HEATR1: variants seen among roughly 807,000 people sequenced by gnomAD.
HEATR1 encodes HEAT repeat containing 1.
In HEATR1, 77 loss-of-function variants were observed where a neutral mutation model predicts 248.2. The ratio of observed to expected loss-of-function variants is 0.31; its 90% CI spans 0.26 to 0.37. The LOEUF (loss-of-function observed/expected upper bound fraction) is 0.37. Ranked by LOEUF, HEATR1 falls within the 10% of genes least tolerant of loss-of-function variation. HEATR1 has a pLI of 1.00. For synonymous variants in HEATR1, 897 were observed against 923.1 expected (o/e 0.97, Z 0.51); for missense variants, 2,420 against 2,504.9 (o/e 0.97, Z 0.72).
rs143741485 is a variant in HEATR1 at position 236,595,606 on chromosome 1, C to T, written c.1024G>A (p.Asp342Asn). 562 of 1,608,530 alleles carry T rather than the reference C, an allele frequency of 3.5e-4. No homozygotes were observed. Among genetic ancestry groups the T allele is most frequent in the Non-Finnish European group, 4.4e-4 (514 of 1,175,020 alleles). Residue 342 changes from aspartate (D) to asparagine (N), a missense_variant, in exon 8 of 45, where the codon GAT becomes AAT. Coordinates refer to ENST00000366582, the MANE Select transcript of HEATR1 (RefSeq NM_018072.6). ...ATGTAATGCAGAAGAGGACTGACAT[C>T]GTAAGTTTCAGAAATCCCATGAAGT... Reference protein sequence around the residue: ...TILHGISETYDVSPLLHYMLP... With the variant: ...TILHGISETYNVSPLLHYMLP...
chr1:236,603,882 G>GA (rs541891083), intron 2 of HEATR1, 72 bp downstream of exon 2: 20,908 of 841,752 alleles, frequency 0.025, no homozygotes, highest in South Asian at 0.042. Context: ...AAAACAAGGG[G>GA]AAAAAAAAAA....
At position 236,586,083 on chromosome 1, in the gene HEATR1, T is replaced by C. The variant is rs368959511; in HGVS notation, c.1928-142A>G. 224 of 1,279,788 alleles carry C rather than the reference T, an allele frequency of 1.8e-4. No homozygotes were observed. In the African/African-American group the frequency reaches 3.1e-3, roughly 18 times the overall value. 79.3% of individuals were successfully genotyped at this position (1,279,788 alleles called of 1,614,324 possible). ...TTGTATCCGATTCTGAATTTGTCTA[T>C]GAATTGGCTTCCTTTTCACTGTATA... is the stretch of plus-strand genomic sequence containing the variant. On this transcript the variant is annotated intron_variant, in intron 15 of 44. Transcript: ENST00000366582.
At chr1:236,586,044 C>T (rs1357546205) in intron 15 of HEATR1, 103 bp from the exon 16 acceptor site, 11 of 1,434,910 alleles carry the variant, frequency 7.7e-6, no homozygotes, top group African/African-American at 1.4e-5. Flanking sequence ...TGAAGGTTTG[C>T]TTTCTATTTT....
rs1039094192 is a variant in HEATR1 at position 236,583,107 on chromosome 1, G to A, written c.2331C>T (p.Ser777=). The A allele has an allele frequency of 1.2e-6, 2 of 1,614,084 alleles. No homozygotes were observed. The highest frequency in any genetic ancestry group is 1.7e-6 in the Non-Finnish European group (2 of 1,179,934). ...AGTCCTCCACGGCCACCCTCTGAGT[G>A]CTGTTGAGCTCTTCTACATAATGTG... ...LWAHYVEELN[S]TQRVAVEDSV... is the part of the protein sequence containing the mutation. The change falls in exon 18 of 45, where the codon AGC becomes AGT. Residue 777 remains serine (S), a synonymous_variant. Transcript: ENST00000366582.
intron 33 of HEATR1, among the ~76,000 whole-genome samples, 181 bp from the exon 34 acceptor site, chr1:236,560,018 C>T (rs898460592): frequency 6.8e-6 from 1 of 147,166 alleles, no homozygotes; most frequent in Non-Finnish European, 1.5e-5. Context: ...CAGAGATCAT[C>T]AAGAAGTAAC....
intron 31 of HEATR1, among the ~76,000 whole-genome samples, chr1:236,565,669 C>CG (rs1663250012): frequency 6.6e-6 from 1 of 152,188 alleles, no homozygotes; most frequent in African/African-American, 2.4e-5. Context: ...CTAACTCATC[C>CG]TGGATACCAG....
At chr1:236,599,698 A>C in intron 3 of HEATR1, 74 bp from the exon 4 acceptor site, 1 of 1,340,596 alleles carries the variant, frequency 7.5e-7, no homozygotes, top group Non-Finnish European at 1.0e-6. Context: ...ACATGCCCAA[A>C]CTGTATTATT....
intron 34 of HEATR1, 43 bp from the exon 35 acceptor site, chr1:236,559,178 TAA>T: frequency 7.4e-7 from 1 of 1,347,390 alleles, no homozygotes; most frequent in Non-Finnish European, 1.0e-6. Flanking sequence ...AAAAACAAAT[TAA>T]AAAAAAAACC....
rs1397249420 is a variant in HEATR1, at chr1:236,592,124, A to T, written c.1305-14T>A. ...GTTCTGGGGTATCTGGGAAGCAATT[A>T]AAAAGTGAATTCATTATTCTTAATA... On this transcript the variant is annotated splice_polypyrimidine_tract_variant and intron_variant, in intron 10 of 44. Transcript: ENST00000366582. 1 of 1,333,746 alleles carries T rather than the reference A, an allele frequency of 7.5e-7. No homozygotes were observed. The highest frequency in any genetic ancestry group is 1.1e-6 in the Non-Finnish European group (1 of 936,004). The allele number at this position is 1,333,746 out of a possible 1,614,324, so 82.6% of individuals were successfully genotyped here. A position where few individuals can be genotyped will look rare whatever the true frequency, so the allele number is the denominator to read the frequency against.
At position 236,603,157 on chromosome 1, in the gene HEATR1, T is replaced by C. The variant is rs113690715; in HGVS notation, c.359+3A>G. The C allele has an allele frequency of 6.2e-7, 1 of 1,604,424 alleles. No individual in the cohort carries two copies. The highest frequency in any genetic ancestry group is 8.5e-7 in the Non-Finnish European group (1 of 1,171,256). ...TAGTTATTTCTGTAATTCTATTAGC[T>C]ACCTGTGAATCAACCACTCCAGACA... is the stretch of plus-strand genomic sequence containing the variant. On this transcript the variant is annotated splice_donor_region_variant and intron_variant, in intron 3 of 44. Transcript: ENST00000366582.
Position 236,587,991 on chromosome 1 carries a change from T to C in HEATR1, c.1583A>G (p.Asp528Gly), listed in dbSNP as rs1663939161. 1.2e-6 allele frequency: 2 copies of C among 1,612,466 alleles called. No individual in the cohort carries two copies. ...IKEAVLARLG[D>G]DNIDVVLSAI... ...CGACAAAACAACATCTATATTATCA[T>C]CACCTAATCGGGCTAAAACAGCTTC... The change falls in exon 13 of 45, where the codon GAT (aspartate) becomes GGT (glycine). Residue 528 changes from aspartate to glycine, a missense_variant. Transcript: ENST00000366582.
intron 22 of HEATR1, 46 bp from the exon 23 acceptor site, chr1:236,574,949 T>G (rs564819623): frequency 6.3e-7 from 1 of 1,575,658 alleles, no homozygotes; most frequent in African/African-American, 1.4e-5. Flanking sequence ...TATACTGATA[T>G]GTTTTTGCTC....
chr1:236,588,103 A>G, intron 12 of HEATR1, 60 bp from the exon 13 acceptor site: 1 of 1,275,708 alleles, frequency 7.8e-7, no homozygotes, highest in East Asian at 2.4e-5. Context: ...AAGGCTTTGC[A>G]CTAGAAAGGA....
In HEATR1 at chr1:236,557,376, T is replaced by C. The variant is rs377140317; in HGVS notation, c.5205-31A>G. On this transcript the variant is annotated intron_variant, in intron 36 of 44. Coordinates refer to ENST00000366582, the MANE Select transcript of HEATR1 (RefSeq NM_018072.6). ...AACAAAGTAAGAGCTTTAGAAGAACTTGAAGCAGAAACAGAGGCTAGGGAA... is the reference window on the plus strand; with the variant it reads ...AACAAAGTAAGAGCTTTAGAAGAACCTGAAGCAGAAACAGAGGCTAGGGAA... The C allele has an allele frequency of 4.8e-4, 775 of 1,609,342 alleles. 10 individuals carry two copies. In the South Asian group the frequency reaches 7.4e-3, roughly 15 times the overall value.
chr1:236,582,581 T>C (rs1330538375), intron 19 of HEATR1, among the ~76,000 whole-genome samples, 155 bp downstream of exon 19: 1 of 152,064 alleles, frequency 6.6e-6, no homozygotes, highest in African/African-American at 2.4e-5. Context: ...TTTTGTATTT[T>C]TAGTAGAAAT....
chr1:236,583,261 T>A (rs1376445169), intron 17 of HEATR1, 65 bp from the exon 18 acceptor site: 2 of 1,371,072 alleles, frequency 1.5e-6, no homozygotes, highest in African/African-American at 2.9e-5. Flanking sequence ...TTATATGAAT[T>A]CCTCTGCATA....
intron 20 of HEATR1, among the ~76,000 whole-genome samples, chr1:236,578,306 T>G (rs1663620695): frequency 6.6e-6 from 1 of 152,254 alleles, no homozygotes; most frequent in Admixed American, 6.5e-5. Flanking sequence ...ATCTTTGATT[T>G]TGCCTTTATT....
In HEATR1 at chr1:236,587,427, C is replaced by T. The variant is rs143731772; in HGVS notation, c.1690G>A (p.Ala564Thr). Residue 564 changes from alanine to threonine, a missense_variant, in exon 14 of 45, where the codon GCA (alanine) becomes ACA (threonine). Physicochemically the swap from Ala to Thr is moderately conservative, Grantham distance 58. Transcript: ENST00000366582. ...ISNLLNLFQR[A>T]ELSKNGEWYE... is the part of the protein sequence containing the mutation. ...CATTCTCCATTCTTTGAAAGTTCTG[C>T]TCTTTGAAAGAGATTCAGAAGATTT... 266 of 1,528,034 alleles carry T rather than the reference C, an allele frequency of 1.7e-4. No homozygotes were observed. In the African/African-American group the frequency reaches 3.1e-3, roughly 18 times the overall value. The allele number at this position is 1,528,034 out of a possible 1,614,324, so 94.7% of individuals were successfully genotyped here. A position where few individuals can be genotyped will look rare whatever the true frequency, so the allele number is the denominator to read the frequency against.
Position 236,558,462 on chromosome 1 carries a change from T to TCA in HEATR1, c.4978_4979insTG (p.Glu1660ValfsTer16). The TCA allele has an allele frequency of 6.2e-7, 1 of 1,614,212 alleles. No individual in the cohort carries two copies. The highest frequency in any genetic ancestry group is 8.5e-7 in the Non-Finnish European group (1 of 1,180,020). On this transcript the variant is annotated frameshift_variant, in exon 36 of 45. Transcript: ENST00000366582. LOFTEE classifies it high-confidence loss of function. ...CTGTCTGTTGATTGCTTGTTCTTCT[T>TCA]CCCCTTCCTTTTTCTTACGCTGCAC... is the stretch of plus-strand genomic sequence containing the variant.
Sources: gnomAD v4.1 joint callset for allele counts (sites outside exome capture counted in the v4.1 genomes callset) on GRCh38, gnomAD v4.1.1 for gene constraint, MANE v1.5 for transcripts, NCBI Gene and HGNC (gene_info 2026-07-23, HGNC 2026-07-21) for gene names.